Variants in FBXL20 observed in about 807,000 individuals in gnomAD.
FBXL20 encodes the protein F-box/LRR-repeat protein 20.
Under a neutral mutation model 64.0 loss-of-function variants are expected in FBXL20, and 11 were observed. The observed-to-expected ratio is 0.17, with a 90% CI of 0.11 to 0.28. The LOEUF is 0.28. Among genes scored for constraint, FBXL20 ranks in the 10% least tolerant of loss-of-function variants. The pLI is 1.00. For missense variants in FBXL20, 303 were observed against 526.2 expected (o/e 0.58, Z 4.15); for synonymous variants, 184 against 189.0 (o/e 0.97, Z 0.22).
At position 39,401,624 on chromosome 17, in the gene FBXL20, T is replaced by C; in HGVS notation, c.-222A>G. ...ACTGCTCGTCGCTAGCTCGGCTCTC[T>C]CCTCAGCCTCAACTTCAACCCAAAA... On this transcript the variant is annotated 5_prime_UTR_variant, in exon 1 of 15. Coordinates refer to ENST00000264658, the MANE Select transcript of FBXL20 (RefSeq NM_032875.3). 1 of 1,377,438 alleles carries C rather than the reference T, an allele frequency of 7.3e-7. No homozygotes were observed. The highest frequency in any genetic ancestry group is 9.3e-7 in the Non-Finnish European group (1 of 1,072,172). 85.3% of individuals were successfully genotyped at this position (1,377,438 alleles called of 1,614,324 possible).
intron 6 of FBXL20, among the ~76,000 whole-genome samples, chr17:39,291,866 C>T (rs576958686): frequency 4.7e-4 from 72 of 152,248 alleles, no homozygotes; most frequent in African/African-American, 1.7e-3. Context: ...TAAATTTCTT[C>T]GTAAGCAATT....
chr17:39,321,206 C>T (rs2047352794), intron 2 of FBXL20, among the ~76,000 whole-genome samples: 1 of 152,170 alleles, frequency 6.6e-6, no homozygotes, highest in Admixed American at 6.5e-5. Flanking sequence ...GTAATCCCAG[C>T]ACTTTGGGAG....
chr17:39,328,601 C>A (rs1423929793), intron 2 of FBXL20, among the ~76,000 whole-genome samples: 2 of 152,214 alleles, frequency 1.3e-5, no homozygotes, highest in East Asian at 3.9e-4. Context: ...AAAATGGAGT[C>A]CAAGAGAAAG....
intron 1 of FBXL20, among the ~76,000 whole-genome samples, chr17:39,384,350 C>A (rs979376021): frequency 6.6e-6 from 1 of 151,916 alleles, no homozygotes; most frequent in African/African-American, 2.4e-5. Flanking sequence ...TACGGTGAAA[C>A]CCCGTCTCTA....
At chr17:39,263,608 C>T (rs2046766772) in intron 14 of FBXL20, among the ~76,000 whole-genome samples, 1 of 152,136 alleles carries the variant, frequency 6.6e-6, no homozygotes, top group African/African-American at 2.4e-5. Context: ...GTGGGAGGAT[C>T]TTAAGCCTAG....
upstream of FBXL20, chr17:39,402,320 G>C: frequency 1.2e-6 from 1 of 804,084 alleles, no homozygotes; most frequent in Admixed American, 4.3e-5. Flanking sequence ...CCCCGCCCCA[G>C]TGCATTACAT....
At chr17:39,299,220 T>C (rs1320542304) in intron 4 of FBXL20, 136 bp from the exon 5 acceptor site, 5 of 632,950 alleles carry the variant, frequency 7.9e-6, no homozygotes, top group Non-Finnish European at 5.4e-6. Flanking sequence ...AAATTGTAAC[T>C]TACCCTGAGA....
intron 1 of FBXL20, among the ~76,000 whole-genome samples, chr17:39,384,725 G>T (rs577699637): frequency 2.0e-5 from 3 of 152,052 alleles, no homozygotes; most frequent in African/African-American, 4.8e-5. Context: ...GTGAGGCTGA[G>T]GCAGGCAGAT....
At chr17:39,322,163 CAAAAAAAAAAAAAAA>C (rs761771926) in intron 2 of FBXL20, among the ~76,000 whole-genome samples, 1 of 52,550 alleles carries the variant, frequency 1.9e-5, no homozygotes. Context: ...CTATCTCTAC[CAAAAAAAAAAAAAAA>C]AAAAAAAAAA....
intron 2 of FBXL20, among the ~76,000 whole-genome samples, chr17:39,321,379 G>A (rs2047354391): frequency 6.6e-6 from 1 of 151,284 alleles, no homozygotes; most frequent in Non-Finnish European, 1.5e-5. Flanking sequence ...GTTGAACCTG[G>A]GAGTTGAACC....
rs942665087 is a variant in FBXL20, at chr17:39,303,628, A to T, written c.116T>A (p.Phe39Tyr). 2 of 1,610,034 alleles carry T rather than the reference A, an allele frequency of 1.2e-6. No homozygotes were observed. The highest frequency in any genetic ancestry group is 1.3e-5 in the African/African-American group (1 of 74,862). ...PKELLLRIFSFLDVVTLCRCA... is the reference protein window; with the variant it reads ...PKELLLRIFSYLDVVTLCRCA... Reference sequence around the variant, plus strand: ...GCGGCACAGGGTAACAACATCTAGAAAAGAAAATATCCTAAAAAGAAAAGA... The same window carrying T: ...GCGGCACAGGGTAACAACATCTAGATAAGAAAATATCCTAAAAAGAAAAGA... The change falls in exon 3 of 15, where the codon TTT becomes TAT. Residue 39 changes from phenylalanine (F) to tyrosine (Y), a missense_variant. Physicochemically the swap from Phe to Tyr is conservative, Grantham distance 22. Transcript: ENST00000264658.
At chr17:39,324,620 A>G (rs2047393003) in intron 2 of FBXL20, among the ~76,000 whole-genome samples, 1 of 152,218 alleles carries the variant, frequency 6.6e-6, no homozygotes, top group Non-Finnish European at 1.5e-5. Flanking sequence ...GGGATCACCT[A>G]ACTACTATAA....
chr17:39,346,595 T>C (rs552756062), intron 1 of FBXL20, among the ~76,000 whole-genome samples: 1 of 152,190 alleles, frequency 6.6e-6, no homozygotes, highest in East Asian at 1.9e-4. Flanking sequence ...GGAACAAAGA[T>C]TGTTAAAAAA....
intron 1 of FBXL20, among the ~76,000 whole-genome samples, chr17:39,392,093 C>T (rs939125906): frequency 1.3e-5 from 2 of 152,094 alleles, no homozygotes; most frequent in Admixed American, 1.3e-4. Context: ...GTCGAGATCA[C>T]GCCACTGCAC....
rs1239687991 is a variant in FBXL20 at position 39,258,045 on chromosome 17, C to T, written c.*3415G>A. On this transcript the variant is annotated 3_prime_UTR_variant, in exon 15 of 15. Transcript: ENST00000264658. ...GACACTACAGTAATTCCTCCTTGCC[C>T]ACCTGTAGGTTTACGGCAGTAGTTT... 1 of 152,254 alleles carries T rather than the reference C, an allele frequency of 6.6e-6. No homozygotes were observed. Among genetic ancestry groups the T allele is most frequent in the African/African-American group, 2.4e-5 (1 of 41,434 alleles). 9.4% of individuals were successfully genotyped at this position (152,254 alleles called of 1,614,324 possible).
At chr17:39,372,315 T>C (rs1597826693) in intron 1 of FBXL20, among the ~76,000 whole-genome samples, 1 of 151,588 alleles carries the variant, frequency 6.6e-6, no homozygotes, top group African/African-American at 2.4e-5. Flanking sequence ...GGTCAAGAGA[T>C]GGAGACCATC....
chr17:39,370,027 G>A (rs1049879319), intron 1 of FBXL20, among the ~76,000 whole-genome samples: 1 of 152,042 alleles, frequency 6.6e-6, no homozygotes, highest in Non-Finnish European at 1.5e-5. Context: ...TTGAGCCCAG[G>A]AGTTGAGCCT....
rs1359444810 is a variant in FBXL20, at chr17:39,401,616, C to G, written c.-214G>C. The G allele has an allele frequency of 1.4e-6, 2 of 1,398,684 alleles. No homozygotes were observed. Among genetic ancestry groups the G allele is most frequent in the Non-Finnish European group, 1.8e-6 (2 of 1,084,938 alleles). 86.6% of individuals were successfully genotyped at this position (1,398,684 alleles called of 1,614,324 possible). On this transcript the variant is annotated 5_prime_UTR_variant, in exon 1 of 15. Coordinates refer to ENST00000264658, the MANE Select transcript of FBXL20 (RefSeq NM_032875.3). ...CCGCAACGACTGCTCGTCGCTAGCTCGGCTCTCTCCTCAGCCTCAACTTCA... is the reference window on the plus strand; with the variant it reads ...CCGCAACGACTGCTCGTCGCTAGCTGGGCTCTCTCCTCAGCCTCAACTTCA...
At chr17:39,306,066 G>A (rs1420186339) in intron 2 of FBXL20, among the ~76,000 whole-genome samples, 1 of 151,910 alleles carries the variant, frequency 6.6e-6, no homozygotes, top group Admixed American at 6.6e-5. Context: ...TTGGGAAGCT[G>A]ATGTAGGAGG....
Sources: allele counts gnomAD v4.1 joint callset (sites outside exome capture counted in the v4.1 genomes callset), GRCh38; gene constraint gnomAD v4.1.1; transcripts MANE v1.5; gene names NCBI Gene and HGNC (gene_info 2026-07-23, HGNC 2026-07-21).